FABP12: variants seen among roughly 807,000 people sequenced by gnomAD.
The protein encoded by FABP12 is fatty acid-binding protein 12.
A neutral mutation model predicts 13.7 loss-of-function variants in FABP12; 19 were observed. The ratio of observed to expected loss-of-function variants is 1.39; its 90% confidence interval spans 0.97 to 2.04. The LOEUF is 2.04. Among genes scored for constraint, FABP12 ranks in the 30% most tolerant of loss-of-function variants. The pLI, the probability that FABP12 is intolerant of heterozygous loss-of-function variation, is 0.00. For missense variants in FABP12, 182 were observed against 164.2 expected, an observed-to-expected ratio of 1.11 and a Z score of -0.59; for synonymous variants, 61 against 57.0, an observed-to-expected ratio of 1.07 and a Z score of -0.32.
intron 3 of FABP12, among the ~76,000 whole-genome samples, chr8:81,528,128 G>A (rs1808957650): frequency 6.6e-6 from 1 of 152,180 alleles, no homozygotes; most frequent in Admixed American, 6.5e-5. Flanking sequence ...CATCCAGGCT[G>A]GAATGCAGTG....
intron 1 of FABP12, chr8:81,532,860 C>G (rs946566164): frequency 3.3e-5 from 5 of 152,248 alleles, no homozygotes; most frequent in African/African-American, 1.2e-4. Flanking sequence ...AAACAAAAAG[C>G]CTTAGTTCAT....
At chr8:81,582,215 C>T (rs953093375) in intron 1 of FABP12, among the ~76,000 whole-genome samples, 4 of 149,600 alleles carry the variant, frequency 2.7e-5, no homozygotes, top group African/African-American at 4.9e-5. Flanking sequence ...CTCTGCCTCC[C>T]GGGTTCAAGT....
chr8:81,574,612 C>T (rs1809999891), intron 1 of FABP12, among the ~76,000 whole-genome samples: 3 of 151,904 alleles, frequency 2.0e-5, no homozygotes, highest in Admixed American at 6.6e-5. Context: ...TTTTAATTAC[C>T]ATTTCAATCT....
intron 1 of FABP12, among the ~76,000 whole-genome samples, chr8:81,550,096 G>A (rs997161131): frequency 6.6e-5 from 10 of 152,022 alleles, no homozygotes; most frequent in African/African-American, 2.4e-4. Context: ...TGTATACTAG[G>A]CTGTGTTGAA....
chr8:81,562,894 C>G (rs144986635), intron 1 of FABP12, among the ~76,000 whole-genome samples: 153 of 152,322 alleles, frequency 1.0e-3, no homozygotes, highest in African/African-American at 3.6e-3. Context: ...CACAACCTCT[C>G]ATCATAAGAG....
At chr8:81,538,213 A>T (rs1208292652), upstream of FABP12, among the ~76,000 whole-genome samples, 1 of 152,076 alleles carries the variant, frequency 6.6e-6, no homozygotes, top group Admixed American at 6.6e-5. Flanking sequence ...TTCATGGAGG[A>T]TCTGCCCCCA....
rs539523318 is a variant in FABP12 at position 81,550,084 on chromosome 8, A to C, written c.-184-10341T>G. 4.6e-5 allele frequency among the ~76,000 whole-genome samples: 7 copies of C among 152,254 alleles called. No homozygotes were observed. The East Asian group carries it at 1.4e-3, about 29-fold the overall frequency. The stretch of plus-strand genomic sequence containing the variant: ...TCTCAAATCTGTCCATTTTCTTTCC[A>C]GTGTATACTAGGCTGTGTTGAAATG... On this transcript the variant is annotated intron_variant, in intron 1 of 5. Transcript: ENST00000692030.
rs866183763 is a variant in FABP12, at chr8:81,527,123, T to C, written c.247-2A>G. 10 of 1,566,460 alleles carry C rather than the reference T, an allele frequency of 6.4e-6. No homozygotes were observed. The highest frequency in any genetic ancestry group is 8.7e-6 in the Non-Finnish European group (10 of 1,149,784). ...CTCCTTATCTAAGGTTACTTTACTC[T>C]GAAAAACAGAAAAAACTAAATTCAG... On this transcript the variant is annotated splice_acceptor_variant, in intron 3 of 4. Coordinates refer to ENST00000360464, the Ensembl canonical transcript of FABP12. LOFTEE classifies it high-confidence loss of function.
chr8:81,545,073 TG>T (rs1460916629), intron 1 of FABP12, among the ~76,000 whole-genome samples: 2 of 152,060 alleles, frequency 1.3e-5, no homozygotes, highest in African/African-American at 4.8e-5. Flanking sequence ...CAGGCTGGAG[TG>T]CAATGGTGCA....
intron 1 of FABP12, among the ~76,000 whole-genome samples, chr8:81,588,407 G>A (rs144075401): frequency 3.7e-4 from 57 of 152,268 alleles, no homozygotes; most frequent in African/African-American, 1.2e-3. Flanking sequence ...TTTGTAAATT[G>A]TAGCTATTAC....
chr8:81,526,252 C>CT (rs1808896064), intron 4 of FABP12: 1 of 152,052 alleles, frequency 6.6e-6, no homozygotes, highest in Admixed American at 6.5e-5. Context: ...AGAAAGTTAC[C>CT]TTTTTACTCA....
At chr8:81,553,732 A>G (rs1000754944) in intron 1 of FABP12, among the ~76,000 whole-genome samples, 2 of 152,212 alleles carry the variant, frequency 1.3e-5, no homozygotes, top group Admixed American at 1.3e-4. Context: ...GTGCTTATTT[A>G]GGTTAAAACC....
chr8:81,576,186 C>T (rs759189593), intron 1 of FABP12, among the ~76,000 whole-genome samples: 68 of 151,942 alleles, frequency 4.5e-4, no homozygotes, highest in Non-Finnish European at 2.6e-4. Context: ...AATGATATAA[C>T]GATAGTGATA....
chr8:81,559,366 C>T (rs958505823), intron 1 of FABP12, among the ~76,000 whole-genome samples: 8 of 152,188 alleles, frequency 5.3e-5, no homozygotes, highest in Non-Finnish European at 2.9e-5. Flanking sequence ...GGCTATTTAA[C>T]AGTGGTGCCT....
At chr8:81,585,402 G>A (rs1250681788) in intron 1 of FABP12, among the ~76,000 whole-genome samples, 1 of 152,048 alleles carries the variant, frequency 6.6e-6, no homozygotes, top group Non-Finnish European at 1.5e-5. Flanking sequence ...TAAATATCTG[G>A]ATTTATATCT....
rs373914253 is a variant in FABP12 at position 81,531,906 on chromosome 8, GAAAA to G, written c.-75-520_-75-517del. 1.9e-3 allele frequency among the ~76,000 whole-genome samples: 281 copies of G among 151,620 alleles called. 1 individual carries two copies. The highest frequency in any genetic ancestry group is 6.5e-3 in the African/African-American group (270 of 41,248). Reference sequence around the variant, plus strand: ...ACAATGAAAAAGAGAATGGGACAGAGAAAAAAGAAAGGAAAGAGATCATGTTACA... The same window carrying G: ...ACAATGAAAAAGAGAATGGGACAGAGAAGAAAGGAAAGAGATCATGTTACA... On this transcript the variant is annotated intron_variant, in intron 1 of 4. Coordinates refer to ENST00000360464, the Ensembl canonical transcript of FABP12.
chr8:81,571,261 G>A (rs1259186106), intron 1 of FABP12, among the ~76,000 whole-genome samples: 2 of 152,346 alleles, frequency 1.3e-5, no homozygotes, highest in East Asian at 1.9e-4. Context: ...AAGGGCAAGT[G>A]GGGGACCTTC....
At chr8:81,588,085 A>C (rs1810268837) in intron 1 of FABP12, among the ~76,000 whole-genome samples, 1 of 152,174 alleles carries the variant, frequency 6.6e-6, no homozygotes. Flanking sequence ...CTGGCAGCTA[A>C]TTAGATGATC....
chr8:81,562,116 G>A (rs1035271755), intron 1 of FABP12, among the ~76,000 whole-genome samples: 4 of 152,074 alleles, frequency 2.6e-5, no homozygotes, highest in Non-Finnish European at 5.9e-5. Context: ...AGTAAGATAG[G>A]GCATCAGGCA....
Sources: gnomAD v4.1 joint callset for allele counts (sites outside exome capture counted in the v4.1 genomes callset) on GRCh38, gnomAD v4.1.1 for gene constraint, MANE v1.5 for transcripts, NCBI Gene and HGNC (gene_info 2026-07-23, HGNC 2026-07-21) for gene names.